The following NRXN3 variants were observed in gnomAD, a reference collection of about 807,000 sequenced individuals.
NRXN3 encodes the protein neurexin 3.
A neutral mutation model predicts 137.6 loss-of-function variants in NRXN3; 32 were observed. The ratio of observed to expected loss-of-function variants is 0.23; its 90% CI spans 0.18 to 0.31. The LOEUF is 0.31. NRXN3 is among the 10% of genes least tolerant of loss of function. The pLI, the probability that NRXN3 is intolerant of heterozygous loss-of-function variation, is 1.00. For missense variants in NRXN3, 1,574 were observed against 2,062.5 expected (o/e 0.76, Z 4.59); for synonymous variants, 798 against 784.5 (o/e 1.02, Z -0.29).
intron 4 of NRXN3, among the ~76,000 whole-genome samples, chr14:78,633,911 G>T (rs557495303): frequency 6.6e-6 from 1 of 152,318 alleles, no homozygotes; most frequent in Non-Finnish European, 1.5e-5. Context: ...TAGACTTGCA[G>T]GCTAGAGCCC....
rs551046922 is a variant in NRXN3 at position 78,858,871 on chromosome 14, G to A, written c.2275+48527G>A. Among the ~76,000 whole-genome samples, 24 of 152,260 alleles carry A rather than the reference G, an allele frequency of 1.6e-4. 1 individual carries two copies. In the South Asian group the frequency reaches 4.6e-3, roughly 29 times the overall value. On this transcript the variant is annotated intron_variant, in intron 10 of 20. Coordinates refer to ENST00000335750, the MANE Select transcript of NRXN3 (RefSeq NM_001330195.2). ...AGGTCTTTAGAGTTTGGGATTTCAA[G>A]TATTCAGTGTTTCATGCCTTCAGTG...
chr14:78,705,793 A>G (rs569560810), intron 6 of NRXN3, among the ~76,000 whole-genome samples: 10 of 152,322 alleles, frequency 6.6e-5, no homozygotes, highest in Non-Finnish European at 1.0e-4. Flanking sequence ...TATTCACAAC[A>G]GTGAAAACTC....
intron 15 of NRXN3, among the ~76,000 whole-genome samples, chr14:79,067,297 G>T (rs1253620861): frequency 6.6e-6 from 1 of 152,136 alleles, no homozygotes; most frequent in Admixed American, 6.6e-5. Context: ...AACCAAACTT[G>T]CATCCCAGTG....
At chr14:79,531,947 A>T (rs2097173101) in intron 16 of NRXN3, among the ~76,000 whole-genome samples, 1 of 151,866 alleles carries the variant, frequency 6.6e-6, no homozygotes, top group Non-Finnish European at 1.5e-5. Flanking sequence ...CTCGTCAATC[A>T]TCCATGTGTC....
intron 16 of NRXN3, among the ~76,000 whole-genome samples, chr14:79,625,326 A>C (rs2153911137): frequency 6.6e-6 from 1 of 151,868 alleles, no homozygotes; most frequent in East Asian, 1.9e-4. Flanking sequence ...TTAGTGGTTA[A>C]AAAAAATAGG....
At chr14:79,798,605 T>C (rs572231409) in intron 19 of NRXN3, among the ~76,000 whole-genome samples, 1 of 152,286 alleles carries the variant, frequency 6.6e-6, no homozygotes, top group South Asian at 2.1e-4. Context: ...GCAGGACTTA[T>C]TTTATCTCAT....
intron 6 of NRXN3, among the ~76,000 whole-genome samples, chr14:78,701,096 A>G (rs2098273768): frequency 1.3e-5 from 2 of 152,134 alleles, no homozygotes. Flanking sequence ...AAGATACACA[A>G]ATACATTGCA....
chr14:79,660,630 C>T (rs1165351975), intron 16 of NRXN3, among the ~76,000 whole-genome samples: 1 of 152,150 alleles, frequency 6.6e-6, no homozygotes, highest in African/African-American at 2.4e-5. Flanking sequence ...TGAGCCAGAA[C>T]CGTACTTGGC....
At chr14:79,581,229 T>G (rs1480957846) in intron 16 of NRXN3, among the ~76,000 whole-genome samples, 2 of 152,170 alleles carry the variant, frequency 1.3e-5, no homozygotes, top group African/African-American at 4.8e-5. Flanking sequence ...GGACATATCT[T>G]TAGACCCAGA....
At chr14:79,556,822 C>A (rs1243322664) in intron 16 of NRXN3, among the ~76,000 whole-genome samples, 2 of 152,176 alleles carry the variant, frequency 1.3e-5, no homozygotes, top group Non-Finnish European at 2.9e-5. Context: ...TCCTAAAGTT[C>A]TGGGATTATA....
At chr14:79,649,673 G>A (rs1162542287) in intron 16 of NRXN3, among the ~76,000 whole-genome samples, 1 of 152,156 alleles carries the variant, frequency 6.6e-6, no homozygotes, top group African/African-American at 2.4e-5. Flanking sequence ...AGAAAAGCTG[G>A]TTGATAGTGT....
chr14:78,358,650 C>CG lies in NRXN3; in HGVS notation c.757+60791dup, dbSNP rs1423509532. On this transcript the variant is annotated intron_variant, in intron 4 of 20. Transcript: ENST00000335750. ...GTGGCTAAGAACGTTTGGGTAGCTA[C>CG]GCATCCAGCTGGTTGCTGCCCAGCT... Among the ~76,000 whole-genome samples, 4 of 152,312 alleles carry CG rather than the reference C, an allele frequency of 2.6e-5. No individual in the cohort carries two copies. In the East Asian group the frequency reaches 7.7e-4, roughly 29 times the overall value.
At chr14:79,265,690 C>G (rs754910093) in intron 15 of NRXN3, among the ~76,000 whole-genome samples, 3 of 152,100 alleles carry the variant, frequency 2.0e-5, no homozygotes, top group Non-Finnish European at 2.9e-5. Context: ...TGTACACCGA[C>G]AAGGTATACA....
chr14:78,563,112 G>C (rs28538310), intron 4 of NRXN3, among the ~76,000 whole-genome samples: 10,952 of 152,208 alleles, frequency 0.072, 666 homozygotes, highest in African/African-American at 0.17. Flanking sequence ...CTTCTCACAG[G>C]ATGGCAACTG....
chr14:79,818,419 C>A (rs1468523574), intron 20 of NRXN3, among the ~76,000 whole-genome samples: 1 of 152,170 alleles, frequency 6.6e-6, no homozygotes, highest in Non-Finnish European at 1.5e-5. Context: ...AGACAACAGC[C>A]ACCTTTAACT....
At chr14:78,395,062 A>T (rs1196779808) in intron 4 of NRXN3, among the ~76,000 whole-genome samples, 3 of 151,132 alleles carry the variant, frequency 2.0e-5, no homozygotes, top group Admixed American at 6.6e-5. Context: ...TACTTTCATT[A>T]GTTGTTGCTT....
chr14:78,581,191 C>A (rs1159011928), intron 4 of NRXN3, among the ~76,000 whole-genome samples: 1 of 152,236 alleles, frequency 6.6e-6, no homozygotes. Flanking sequence ...CTAACACTAA[C>A]TTGTTGTAAC....
intron 17 of NRXN3, among the ~76,000 whole-genome samples, chr14:79,679,510 G>A (rs2098658505): frequency 6.6e-6 from 1 of 152,254 alleles, no homozygotes; most frequent in East Asian, 1.9e-4. Flanking sequence ...TAGTTTAATA[G>A]TTTGTTGGAT....
At chr14:79,741,327 T>A (rs2098962298) in intron 19 of NRXN3, among the ~76,000 whole-genome samples, 1 of 152,134 alleles carries the variant, frequency 6.6e-6, no homozygotes, top group Non-Finnish European at 1.5e-5. Flanking sequence ...CAATTCAGAA[T>A]CAACAGCATG....
Sources: gnomAD v4.1 joint callset for allele counts (sites outside exome capture counted in the v4.1 genomes callset) on GRCh38, gnomAD v4.1.1 for gene constraint, MANE v1.5 for transcripts, NCBI Gene and HGNC (gene_info 2026-07-23, HGNC 2026-07-21) for gene names.